Variants in ZP3 observed in about 807,000 individuals in gnomAD.
The protein encoded by ZP3 is zona pellucida sperm-binding protein 3.
In ZP3, 21 loss-of-function variants were observed where a neutral mutation model predicts 35.6. The ratio of observed to expected loss-of-function variants is 0.59; its 90% CI spans 0.42 to 0.85. The LOEUF is 0.85. ZP3 is among the 40% of genes least tolerant of loss of function. The pLI is 0.00. For synonymous variants in ZP3, 207 were observed against 214.5 expected (o/e 0.96, Z 0.31); for missense variants, 437 against 536.5 (o/e 0.81, Z 1.83).
chr7:76,413,934 T>C (rs896589264), intron 1 of ZP3, among the ~76,000 whole-genome samples: 1 of 151,966 alleles, frequency 6.6e-6, no homozygotes, highest in African/African-American at 2.4e-5. Context: ...CCCAAAGTGC[T>C]GGGATTATAG....
At chr7:76,412,962 C>CTT (rs201143080) in intron 1 of ZP3, among the ~76,000 whole-genome samples, 6,233 of 113,222 alleles carry the variant, frequency 0.055, 490 homozygotes, top group African/African-American at 0.13. Flanking sequence ...TCTTCTTCTT[C>CTT]TTCTTTTTTT....
intron 1 of ZP3, among the ~76,000 whole-genome samples, chr7:76,415,928 A>C (rs62476847): frequency 3.0e-4 from 45 of 150,018 alleles, no homozygotes; most frequent in African/African-American, 1.0e-3. Flanking sequence ...TCAGGATTTC[A>C]AGACCAGCCT....
At chr7:76,440,006 C>T in intron 5 of ZP3, 2 of 458,264 alleles carry the variant, frequency 4.4e-6, no homozygotes, top group Non-Finnish European at 8.0e-6. Context: ...CACCACCACG[C>T]CCAGCTAACT....
chr7:76,409,906 C>T (rs997086629), intron 1 of ZP3, among the ~76,000 whole-genome samples: 5 of 152,310 alleles, frequency 3.3e-5, no homozygotes, highest in African/African-American at 1.2e-4. Context: ...GATGATGTCC[C>T]GACCCACATC....
intron 5 of ZP3, among the ~76,000 whole-genome samples, chr7:76,434,589 G>A (rs1215036346): frequency 7.4e-6 from 1 of 135,532 alleles, no homozygotes; most frequent in Non-Finnish European, 1.6e-5. Context: ...AGTGAGCAGA[G>A]ATTGTGCCAC....
chr7:76,397,684 C>T (rs1226645505), exon 1 of ZP3: 3 of 1,613,336 alleles, frequency 1.9e-6, no homozygotes, highest in Non-Finnish European at 1.7e-6. Flanking sequence ...CGGCCATGGC[C>T]GCCCCGCAGC....
intron 3 of ZP3, 90 bp downstream of exon 3, chr7:76,433,120 T>TGGTTTC: frequency 9.4e-7 from 1 of 1,065,250 alleles, no homozygotes; most frequent in Non-Finnish European, 1.4e-6. Flanking sequence ...TTTGTTTGTT[T>TGGTTTC]GGTTTTGGTT....
intron 1 of ZP3, among the ~76,000 whole-genome samples, chr7:76,402,720 A>G (rs1431606282): frequency 6.6e-6 from 1 of 152,022 alleles, no homozygotes; most frequent in Non-Finnish European, 1.5e-5. Context: ...CCCAGGCTAG[A>G]GTGCAATGGT....
At chr7:76,415,502 TA>T (rs1805348989) in intron 1 of ZP3, among the ~76,000 whole-genome samples, 1 of 151,832 alleles carries the variant, frequency 6.6e-6, no homozygotes, top group East Asian at 2.0e-4. Flanking sequence ...TTTATTTATT[TA>T]TTTTTTTTGA....
chr7:76,412,467 T>A (rs1174751888), intron 1 of ZP3, among the ~76,000 whole-genome samples: 1 of 152,242 alleles, frequency 6.6e-6, no homozygotes, highest in East Asian at 1.9e-4. Flanking sequence ...AATAGTTTTG[T>A]ATCTTAATTG....
intron 1 of ZP3, chr7:76,404,471 A>G: frequency 6.2e-7 from 1 of 1,613,756 alleles, no homozygotes; most frequent in Non-Finnish European, 8.5e-7. Context: ...AGATGCTCCC[A>G]TCAAGGCGCC....
At chr7:76,401,036 G>T in intron 1 of ZP3, 1 of 1,548,594 alleles carries the variant, frequency 6.5e-7, no homozygotes, top group Non-Finnish European at 8.7e-7. Context: ...TGGGCTGTAG[G>T]GCGCTGGCTG....
At chr7:76,426,655 C>T (rs963749246) in intron 1 of ZP3, among the ~76,000 whole-genome samples, 3 of 151,966 alleles carry the variant, frequency 2.0e-5, no homozygotes, top group Non-Finnish European at 2.9e-5. Context: ...GCTCCCCCCC[C>T]TTCTGTGAAA....
chr7:76,440,661 A>G (rs1806171544), intron 7 of ZP3, 50 bp downstream of exon 7: 15 of 1,564,312 alleles, frequency 9.6e-6, no homozygotes, highest in Non-Finnish European at 1.3e-5. Context: ...TACTCAGTTG[A>G]GGGTACCTGC....
intron 1 of ZP3, chr7:76,400,504 T>A: frequency 6.3e-7 from 1 of 1,597,368 alleles, no homozygotes; most frequent in Non-Finnish European, 8.5e-7. Context: ...CACGTCCCAG[T>A]CGTCATCACA....
upstream of ZP3, among the ~76,000 whole-genome samples, chr7:76,424,638 A>G (rs1805594662): frequency 6.6e-6 from 1 of 151,792 alleles, no homozygotes; most frequent in African/African-American, 2.4e-5. Flanking sequence ...CTCTGTCTCA[A>G]AACAAAACAA....
At chr7:76,397,959 A>G in intron 1 of ZP3, 2 of 987,628 alleles carry the variant, frequency 2.0e-6, no homozygotes, top group Non-Finnish European at 2.9e-6. Context: ...TGCCCAGGGT[A>G]CCGCCTCCTT....
Position 76,433,481 on chromosome 7 carries a change from G to A in ZP3, c.547G>A (p.Ala183Thr), listed in dbSNP as rs74676082. ...ACTGTGTCTTTCAGAGAACTGGAAC[G>A]CTGAGAAGAGGTCCCCCACCTTCCA... ...SLRLMEENWN[A>T]EKRSPTFHLG... is the part of the protein sequence containing the mutation. The change falls in exon 4 of 8, where the codon GCT (alanine) becomes ACT (threonine). Residue 183 changes from alanine to threonine, a missense_variant. By Grantham distance (58) the Ala-to-Thr change is moderately conservative. Transcript: ENST00000394857. The A allele has an allele frequency of 6.3e-3, 10,145 of 1,613,096 alleles. 90 individuals carry two copies. Among genetic ancestry groups the A allele is most frequent in the Admixed American group, 0.032 (1,908 of 59,840 alleles).
At position 76,424,975 on chromosome 7, in the gene ZP3, G is replaced by A; in HGVS notation, c.11G>A (p.Ser4Asn). 1.3e-6 allele frequency: 2 copies of A among 1,541,074 alleles called. No individual in the cohort carries two copies. Among genetic ancestry groups the A allele is most frequent in the South Asian group, 1.2e-5 (1 of 84,394 alleles). Residue 4 changes from serine (S) to asparagine (N), a missense_variant, in exon 1 of 8, where the codon AGC (serine) becomes AAC (asparagine). Transcript: ENST00000394857. ...TGCTCTGCAGGTACCATGGAGCTGA[G>A]CTATAGGCTCTTCATCTGCCTCCTG... MEL[S>N]YRLFICLLLW...
Sources: gnomAD v4.1 joint callset for allele counts (sites outside exome capture counted in the v4.1 genomes callset) on GRCh38, gnomAD v4.1.1 for gene constraint, MANE v1.5 for transcripts, NCBI Gene and HGNC (gene_info 2026-07-23, HGNC 2026-07-21) for gene names.